WT1: variants seen among roughly 807,000 people sequenced by gnomAD.
The protein encoded by WT1 is Wilms tumor protein.
Under a neutral mutation model 60.8 loss-of-function variants are expected in WT1, and 8 were observed. The observed-to-expected ratio is 0.13, with a 90% CI of 0.08 to 0.24. The LOEUF (loss-of-function observed/expected upper bound fraction) is 0.24, where lower values mean the gene tolerates loss of function less well. Ranked by LOEUF, WT1 falls within the 10% of genes least tolerant of loss-of-function variation. The pLI is 1.00. For missense variants in WT1, 568 were observed against 711.8 expected (o/e 0.80, Z 2.30); for synonymous variants, 312 against 297.1 (o/e 1.05, Z -0.52).
intron 3 of WT1, among the ~76,000 whole-genome samples, chr11:32,427,055 G>C (rs1159039435): frequency 6.6e-6 from 1 of 152,214 alleles, no homozygotes; most frequent in Non-Finnish European, 1.5e-5. Context: ...GGGGCAGCCG[G>C]TGTCAGGATC....
At chr11:32,409,405 A>C (rs1852424501) in intron 5 of WT1, among the ~76,000 whole-genome samples, 1 of 152,136 alleles carries the variant, frequency 6.6e-6, no homozygotes, top group African/African-American at 2.4e-5. Flanking sequence ...AAACCAGAGA[A>C]AATATTTTCA....
rs375514482 is a variant in WT1, at chr11:32,428,072, C to A, written c.785-14G>T. On this transcript the variant is annotated splice_polypyrimidine_tract_variant and intron_variant, in intron 2 of 9. Coordinates refer to ENST00000452863, the MANE Select transcript of WT1 (RefSeq NM_024426.6). ...ACTGCTGCTCACCTGCAGAGAGAAC[C>A]GAAGACAGCTGAGCGAGTGCGCCCC... 3 of 1,589,420 alleles carry A rather than the reference C, an allele frequency of 1.9e-6. No individual in the cohort carries two copies. The highest frequency in any genetic ancestry group is 2.6e-6 in the Non-Finnish European group (3 of 1,164,200).
rs913167730 is a variant in WT1 at position 32,388,244 on chromosome 11, G to A, written c.*814C>T. The A allele has an allele frequency of 4.3e-6, 1 of 233,560 alleles. No homozygotes were observed. Among genetic ancestry groups the A allele is most frequent in the African/African-American group, 2.2e-5 (1 of 45,336 alleles). 14.5% of individuals were successfully genotyped at this position (233,560 alleles called of 1,614,324 possible). On this transcript the variant is annotated 3_prime_UTR_variant, in exon 10 of 10. Transcript: ENST00000452863. ...TTTTTATACACTAAGGACACTCCCA[G>A]TGATGAAAATGAATTCCCCTCCATT...
chr11:32,403,724 G>A lies in WT1; in HGVS notation c.1017-3680C>T, dbSNP rs535459334. The stretch of plus-strand genomic sequence containing the variant: ...TGAGTAGCTGGGAATGCAGGCACCC[G>A]CCACCACGCCCGGCTAATTTTTTTG... On this transcript the variant is annotated intron_variant, in intron 5 of 9. Coordinates refer to ENST00000452863, the MANE Select transcript of WT1 (RefSeq NM_024426.6). 2.0e-5 allele frequency among the ~76,000 whole-genome samples: 3 copies of A among 151,834 alleles called. No homozygotes were observed. In the South Asian group the frequency reaches 6.3e-4, roughly 32 times the overall value.
At chr11:32,395,747 C>G (rs1851950257) in intron 7 of WT1, among the ~76,000 whole-genome samples, 1 of 149,348 alleles carries the variant, frequency 6.7e-6, no homozygotes, top group South Asian at 2.2e-4. Flanking sequence ...CAGGCGTGAG[C>G]CCCCATGACT....
intron 1 of WT1, chr11:32,430,467 A>AGAGAGAGAGAGAGAGAGAGAGG: frequency 1.3e-6 from 2 of 1,483,656 alleles, no homozygotes; most frequent in South Asian, 1.2e-5. Context: ...AGAGAGAGAG[A>AGAGAGAGAGAGAGAGAGAGAGG]GAGAGAGAGA....
intron 7 of WT1, among the ~76,000 whole-genome samples, chr11:32,395,660 C>T (rs918229189): frequency 6.6e-6 from 1 of 152,056 alleles, no homozygotes; most frequent in African/African-American, 2.4e-5. Flanking sequence ...CGGGGTTTCA[C>T]CTTGTTGGCC....
At chr11:32,434,049 A>G (rs900343030) in intron 1 of WT1, among the ~76,000 whole-genome samples, 7 of 152,096 alleles carry the variant, frequency 4.6e-5, no homozygotes, top group Non-Finnish European at 1.0e-4. Context: ...AGCCCAGTGA[A>G]GATCCACTTC....
Position 32,388,921 on chromosome 11 carries a change from G to T in WT1, c.*137C>A. 3.4e-6 allele frequency: 5 copies of T among 1,491,976 alleles called. No individual in the cohort carries two copies. Among genetic ancestry groups the T allele is most frequent in the African/African-American group, 1.4e-5 (1 of 72,412 alleles). 92.4% of individuals were successfully genotyped at this position (1,491,976 alleles called of 1,614,324 possible). A position where few individuals can be genotyped will look rare whatever the true frequency, so the allele number is the denominator to read the frequency against. ...ACACCTGGTAGTTTCCAGAAGCACC[G>T]GTATCTTGTCTTGGAAGTTGGATGA... On this transcript the variant is annotated 3_prime_UTR_variant, in exon 10 of 10. Coordinates refer to ENST00000452863, the MANE Select transcript of WT1 (RefSeq NM_024426.6).
At chr11:32,416,328 T>C (rs1852667077) in intron 5 of WT1, among the ~76,000 whole-genome samples, 162 bp downstream of exon 5, 1 of 151,642 alleles carries the variant, frequency 6.6e-6, no homozygotes, top group Non-Finnish European at 1.5e-5. Context: ...CCCCAGCATG[T>C]GTATGATGAA....
chr11:32,416,853 T>C (rs1053212818), intron 4 of WT1, among the ~76,000 whole-genome samples: 2 of 152,222 alleles, frequency 1.3e-5, no homozygotes, highest in African/African-American at 4.8e-5. Context: ...AACCAAGCAG[T>C]ACTTAGCTCT....
At chr11:32,413,975 G>A (rs1434756690) in intron 5 of WT1, among the ~76,000 whole-genome samples, 1 of 152,142 alleles carries the variant, frequency 6.6e-6, no homozygotes, top group Non-Finnish European at 1.5e-5. Context: ...TAGTGTCCTG[G>A]GGGTGTTGTA....
Position 32,392,678 on chromosome 11 carries a change from T to G in WT1, c.1342A>C (p.Arg448=). ...TGAACCTACAAACCTGTATGTCTCC[T>G]TTGGTGTCTTTTGAGCTGGTCTGAA... The change falls in exon 8 of 10, where the codon AGG becomes CGG. Residue 448 remains arginine (R), a synonymous_variant. Transcript: ENST00000452863. 1.2e-6 allele frequency: 2 copies of G among 1,614,072 alleles called. No homozygotes were observed. Among genetic ancestry groups the G allele is most frequent in the East Asian group, 4.5e-5 (2 of 44,880 alleles).
rs779321799 is a variant in WT1 at position 32,428,558 on chromosome 11, C to T, written c.723G>A (p.Ala241=). 1.9e-6 allele frequency: 3 copies of T among 1,613,948 alleles called. No homozygotes were observed. Among genetic ancestry groups the T allele is most frequent in the Non-Finnish European group, 2.5e-6 (3 of 1,180,046 alleles). The change falls in exon 2 of 10, where the codon GCG becomes GCA. Residue 241 remains alanine, a synonymous_variant. Transcript: ENST00000452863. ...TGAATGAGTGGTTGGGGAACTGCGC[C>T]GCATGGTGCGAGGGCGTGTGACCGT...
chr11:32,416,449 C>T lies in WT1; in HGVS notation c.1016+41G>A, dbSNP rs751095363. On this transcript the variant is annotated intron_variant, in intron 5 of 9. Coordinates refer to ENST00000452863, the MANE Select transcript of WT1 (RefSeq NM_024426.6). ...TTGCCCCAGGTGCCAGTCAGCAAGG[C>T]CTACGCCATTTGCTTTGCCATCTCC... 7.4e-6 allele frequency: 12 copies of T among 1,613,608 alleles called. No individual in the cohort carries two copies. In the Admixed American group the frequency reaches 1.7e-4, roughly 22 times the overall value.
At chr11:32,426,012 G>T (rs113945436) in intron 3 of WT1, among the ~76,000 whole-genome samples, 5 of 152,140 alleles carry the variant, frequency 3.3e-5, no homozygotes, top group African/African-American at 1.2e-4. Context: ...GGTAATGATC[G>T]CTTTTTCCTG....
At chr11:32,392,244 A>C (rs956063060) in intron 8 of WT1, among the ~76,000 whole-genome samples, 180 bp from the exon 9 acceptor site, 2 of 152,194 alleles carry the variant, frequency 1.3e-5, no homozygotes, top group Admixed American at 6.5e-5. Flanking sequence ...CTGATTCTGC[A>C]CAGTAATCTT....
chr11:32,398,876 G>C (rs1395633217), intron 6 of WT1, among the ~76,000 whole-genome samples: 1 of 151,254 alleles, frequency 6.6e-6, no homozygotes, highest in African/African-American at 2.4e-5. Flanking sequence ...AAAAGACCGA[G>C]CCGGGCACAG....
At chr11:32,418,626 A>G (rs1225450509) in intron 3 of WT1, among the ~76,000 whole-genome samples, 1 of 152,210 alleles carries the variant, frequency 6.6e-6, no homozygotes. Flanking sequence ...ATCAGATTGC[A>G]GATATAGGAC....
Sources: gnomAD v4.1 joint callset for allele counts (sites outside exome capture counted in the v4.1 genomes callset) on GRCh38, gnomAD v4.1.1 for gene constraint, MANE v1.5 for transcripts, NCBI Gene and HGNC (gene_info 2026-07-23, HGNC 2026-07-21) for gene names.